Variants in XKR6 observed in about 807,000 individuals in gnomAD.
XKR6 encodes XK-related protein 6.
In XKR6, 22 loss-of-function variants were observed where a neutral mutation model predicts 56.7. That is an observed-to-expected ratio of 0.39 (90% CI 0.28 to 0.55). The LOEUF is 0.55. XKR6 is among the 20% of genes least tolerant of loss of function. The probability of loss-of-function intolerance (pLI) is 0.66; values close to 1 mark genes in which losing one functional copy is unlikely to be tolerated. For missense variants in XKR6, 852 were observed against 889.0 expected (o/e 0.96, Z 0.53); for synonymous variants, 524 against 387.8 (o/e 1.35, Z -4.13).
rs536048808 is a variant in XKR6, at chr8:11,160,804, C to A, written c.764+39772G>T. ...TTGCCTGTATGTAGTCCCAGCTACT[C>A]GGTAGGCTAAGCCAAGAGAAACCCT... On this transcript the variant is annotated intron_variant, in intron 1 of 2. Transcript: ENST00000416569. 5.4e-5 allele frequency among the ~76,000 whole-genome samples: 8 copies of A among 148,970 alleles called. No homozygotes were observed. The South Asian group carries it at 1.7e-3, about 32-fold the overall frequency.
intron 1 of XKR6, among the ~76,000 whole-genome samples, chr8:11,140,028 G>C (rs1430710846): frequency 6.6e-6 from 1 of 151,684 alleles, no homozygotes; most frequent in African/African-American, 2.4e-5. Flanking sequence ...AAATAAAGGA[G>C]AAACTCGTTT....
At chr8:10,994,676 C>A (rs1223785739) in intron 1 of XKR6, among the ~76,000 whole-genome samples, 1 of 152,158 alleles carries the variant, frequency 6.6e-6, no homozygotes, top group African/African-American at 2.4e-5. Flanking sequence ...CACTTATCTG[C>A]TTCTTACTCC....
Position 11,160,931 on chromosome 8 carries a change from AG to A in XKR6, c.764+39644del, listed in dbSNP as rs772486175. ...CGTCTCAAAAAAAAAAAAAAAAAAAAGAAAAAAAAAGGGTTCACACATTCAG... is the reference window on the plus strand; with the variant it reads ...CGTCTCAAAAAAAAAAAAAAAAAAAAAAAAAAAAAGGGTTCACACATTCAG... On this transcript the variant is annotated intron_variant, in intron 1 of 2. Transcript: ENST00000416569. Among the ~76,000 whole-genome samples the A allele has an allele frequency of 6.8e-3, 1,021 of 149,304 alleles. 6 individuals are homozygous for A. The highest frequency in any genetic ancestry group is 0.011 in the Non-Finnish European group (744 of 67,164).
chr8:11,132,143 C>A (rs552613138), intron 1 of XKR6, among the ~76,000 whole-genome samples: 1 of 152,048 alleles, frequency 6.6e-6, no homozygotes, highest in Non-Finnish European at 1.5e-5. Context: ...GCATTCCTAA[C>A]AAGCTCCCAG....
At chr8:11,143,574 A>G (rs1800816561) in intron 1 of XKR6, among the ~76,000 whole-genome samples, 1 of 152,192 alleles carries the variant, frequency 6.6e-6, no homozygotes, top group South Asian at 2.1e-4. Context: ...ACATTACCAA[A>G]ACCAAATTAT....
intron 1 of XKR6, among the ~76,000 whole-genome samples, chr8:11,019,963 A>G (rs1418384655): frequency 6.6e-6 from 1 of 152,184 alleles, no homozygotes; most frequent in African/African-American, 2.4e-5. Flanking sequence ...ACCGCCACTG[A>G]TAATCCACTG....
intron 1 of XKR6, among the ~76,000 whole-genome samples, chr8:11,120,933 G>A (rs1035498240): frequency 6.6e-6 from 1 of 152,132 alleles, no homozygotes; most frequent in Non-Finnish European, 1.5e-5. Flanking sequence ...ACAAGCAATG[G>A]GGAAAGGATT....
At chr8:11,181,607 T>C (rs1007572680) in intron 1 of XKR6, among the ~76,000 whole-genome samples, 2 of 152,212 alleles carry the variant, frequency 1.3e-5, no homozygotes, top group African/African-American at 4.8e-5. Flanking sequence ...TATTTATATA[T>C]GTGGAAAGAG....
intron 1 of XKR6, among the ~76,000 whole-genome samples, chr8:11,077,152 G>A (rs992746529): frequency 5.9e-5 from 9 of 152,122 alleles, no homozygotes; most frequent in Admixed American, 2.0e-4. Flanking sequence ...CCTCCAGCCT[G>A]GGCAACAGAG....
intron 1 of XKR6, among the ~76,000 whole-genome samples, chr8:11,156,307 C>T (rs540322015): frequency 6.6e-5 from 10 of 152,072 alleles, no homozygotes; most frequent in Non-Finnish European, 1.2e-4. Flanking sequence ...CTCATCAAGG[C>T]GAAATTCAAA....
Position 11,023,111 on chromosome 8 carries a change from AACTCGTCTCAATC to A in XKR6, c.765-98294_765-98282del, listed in dbSNP as rs1798783559. On this transcript the variant is annotated intron_variant, in intron 1 of 2. Transcript: ENST00000416569. ...TGTGCCGAACAAAACCAGAGACAGG[AACTCGTCTCAATC>A]ACTGAGTCAGCTGGCGGTGAGAAAA... 2.0e-5 allele frequency among the ~76,000 whole-genome samples: 3 copies of A among 152,300 alleles called. No individual in the cohort carries two copies. In the South Asian group the frequency reaches 6.2e-4, roughly 32 times the overall value.
intron 1 of XKR6, among the ~76,000 whole-genome samples, chr8:11,073,780 C>T (rs1013673571): frequency 6.6e-6 from 1 of 152,120 alleles, no homozygotes; most frequent in Non-Finnish European, 1.5e-5. Context: ...CTTTGGCAGA[C>T]AGAGAGGGGC....
At chr8:11,181,142 T>C (rs1000465173) in intron 1 of XKR6, among the ~76,000 whole-genome samples, 6 of 152,126 alleles carry the variant, frequency 3.9e-5, no homozygotes, top group Admixed American at 1.3e-4. Flanking sequence ...GGATGAGAAA[T>C]GGTTGGTTAA....
At chr8:10,939,067 G>C (rs569032648) in intron 1 of XKR6, among the ~76,000 whole-genome samples, 36 of 152,246 alleles carry the variant, frequency 2.4e-4, no homozygotes, top group African/African-American at 7.5e-4. Flanking sequence ...CCCAGGACCT[G>C]CTTCTCCCAG....
intron 1 of XKR6, among the ~76,000 whole-genome samples, chr8:11,022,688 G>C (rs1402397374): frequency 6.6e-6 from 1 of 152,162 alleles, no homozygotes; most frequent in Non-Finnish European, 1.5e-5. Flanking sequence ...CAAACACTGA[G>C]GCCCAGAGAG....
intron 1 of XKR6, among the ~76,000 whole-genome samples, chr8:11,057,779 G>A (rs1256603068): frequency 1.3e-5 from 2 of 152,128 alleles, no homozygotes; most frequent in Admixed American, 1.3e-4. Context: ...CCTTCAGTGG[G>A]GCCTTGGGCC....
At chr8:11,052,114 C>T (rs1041014697) in intron 1 of XKR6, among the ~76,000 whole-genome samples, 1 of 152,182 alleles carries the variant, frequency 6.6e-6, no homozygotes, top group African/African-American at 2.4e-5. Flanking sequence ...ACCCCCTCTG[C>T]TCCAACCAAA....
intron 1 of XKR6, among the ~76,000 whole-genome samples, chr8:11,068,731 G>A (rs2129166346): frequency 6.6e-6 from 1 of 152,286 alleles, no homozygotes; most frequent in South Asian, 2.1e-4. Flanking sequence ...TACAGGAGCT[G>A]CAGCCAACCC....
intron 1 of XKR6, among the ~76,000 whole-genome samples, chr8:11,113,073 A>G (rs1453676835): frequency 6.6e-6 from 1 of 152,184 alleles, no homozygotes; most frequent in Non-Finnish European, 1.5e-5. Context: ...CTCCAGAATG[A>G]GATGAAATTT....
Sources: gnomAD v4.1 joint callset for allele counts (sites outside exome capture counted in the v4.1 genomes callset) on GRCh38, gnomAD v4.1.1 for gene constraint, MANE v1.5 for transcripts, NCBI Gene and HGNC (gene_info 2026-07-23, HGNC 2026-07-21) for gene names.